The following DSP variants were observed in gnomAD, a reference collection of about 807,000 sequenced individuals.
The protein encoded by DSP is 250/210 kDa paraneoplastic pemphigus antigen.
DSP carries 114 observed loss-of-function variants against 290.6 expected under a neutral mutation model. The ratio of observed to expected loss-of-function variants is 0.39; its 90% CI spans 0.34 to 0.46. The LOEUF (loss-of-function observed/expected upper bound fraction) is 0.46, where lower values mean the gene tolerates loss of function less well. DSP is among the 20% of genes least tolerant of loss of function. DSP has a pLI of 0.99. For missense variants in DSP, 3,230 were observed against 3,495.8 expected, an observed-to-expected ratio of 0.92 and a Z score of 1.92; for synonymous variants, 1,311 against 1,316.4, an observed-to-expected ratio of 1.00 and a Z score of 0.09.
Position 7,542,068 on chromosome 6 carries a change from G to A in DSP, c.153G>A (p.Gln51=), listed in dbSNP as rs1450725914. 6 of 1,565,020 alleles carry A rather than the reference G, an allele frequency of 3.8e-6. No homozygotes were observed. The highest frequency in any genetic ancestry group is 5.2e-6 in the Non-Finnish European group (6 of 1,155,142). ...CTCGGCGCGGCGTGATCACCGACCAGAACTCGGACGGCTACTGGTGGGTAC... is the reference window on the plus strand; with the variant it reads ...CTCGGCGCGGCGTGATCACCGACCAAAACTCGGACGGCTACTGGTGGGTAC... The part of the protein sequence containing the change: ...YYSRRGVITD[Q]NSDGYCQTGT... Residue 51 remains glutamine, a synonymous_variant, in exon 1 of 24, where the codon CAG becomes CAA. Transcript: ENST00000379802.
At position 7,585,566 on chromosome 6, in the gene DSP, C is replaced by A. The variant is rs1759634208; in HGVS notation, c.8304C>A (p.Ser2768Arg). The change falls in exon 24 of 24, where the codon AGC becomes AGA. Residue 2768 changes from serine (S) to arginine (R), a missense_variant. Coordinates refer to ENST00000379802, the MANE Select transcript of DSP (RefSeq NM_004415.4). The stretch of plus-strand genomic sequence containing the variant: ...CCGCACAGAGGCTGCAAGACACCAG[C>A]AGCTATGCCAAAATCCTGACCTGCC... The part of the protein sequence containing the change: ...GRAAQRLQDT[S>R]SYAKILTCPK... 2 of 1,614,172 alleles carry A rather than the reference C, an allele frequency of 1.2e-6. No homozygotes were observed. The highest frequency in any genetic ancestry group is 2.2e-5 in the East Asian group (1 of 44,878).
intron 10 of DSP, 117 bp from the exon 11 acceptor site, chr6:7,568,320 T>G (rs191988437): frequency 5.2e-6 from 6 of 1,164,518 alleles, no homozygotes; most frequent in Admixed American, 1.9e-5. Flanking sequence ...TTTTTTACAA[T>G]TGATGCAACT....
chr6:7,542,118 G>A (rs1300374737), intron 1 of DSP, 33 bp downstream of exon 1: 7 of 1,550,964 alleles, frequency 4.5e-6, no homozygotes, highest in South Asian at 2.4e-5. Flanking sequence ...CGGGCTGCGG[G>A]GCTCGCGGGA....
chr6:7,541,695 A>G lies in DSP; in HGVS notation c.-221A>G. On this transcript the variant is annotated 5_prime_UTR_variant, in exon 1 of 24. Transcript: ENST00000379802. ...TCCTCTGCGCCCTTGCCGCCCTCCGAGCCACAGCTTTCCTCCCGCTCCTGC... is the reference window on the plus strand; with the variant it reads ...TCCTCTGCGCCCTTGCCGCCCTCCGGGCCACAGCTTTCCTCCCGCTCCTGC... 2 of 580,598 alleles carry G rather than the reference A, an allele frequency of 3.4e-6. No individual in the cohort carries two copies. Among genetic ancestry groups the G allele is most frequent in the Admixed American group, 6.7e-5 (2 of 29,922 alleles). 36.0% of individuals were successfully genotyped at this position (580,598 alleles called of 1,614,324 possible). A position where few individuals can be genotyped will look rare whatever the true frequency, so the allele number is the denominator to read the frequency against.
At chr6:7,542,116 G>A (rs765810517) in intron 1 of DSP, 31 bp downstream of exon 1, 61 of 1,550,770 alleles carry the variant, frequency 3.9e-5, no homozygotes, top group Non-Finnish European at 5.1e-5. Context: ...CGCGGGCTGC[G>A]GGGCTCGCGG....
intron 1 of DSP, among the ~76,000 whole-genome samples, chr6:7,543,120 A>G (rs1259095024): frequency 6.6e-6 from 1 of 152,046 alleles, no homozygotes; most frequent in Non-Finnish European, 1.5e-5. Context: ...TGGACTCTAG[A>G]TGCCCACGTG....
rs577815705 is a variant in DSP, at chr6:7,569,665, T to A, written c.1574+325T>A. 3.6e-4 allele frequency among the ~76,000 whole-genome samples: 55 copies of A among 152,250 alleles called. No homozygotes were observed. The South Asian group carries it at 0.011, about 30-fold the overall frequency. On this transcript the variant is annotated intron_variant, in intron 12 of 23. Transcript: ENST00000379802. The stretch of plus-strand genomic sequence containing the variant: ...GCCTGACCAACATGGAGAAACTCTG[T>A]CTCTACTAAAAATATAAAATTAGCC...
rs1170895931 is a variant in DSP at position 7,541,813 on chromosome 6, G to T, written c.-103G>T. ...CGCGAGCCTTCCGCACTCCCGCCCG[G>T]TTCCCCGGCCGTCCGCCTATCCTTG... On this transcript the variant is annotated 5_prime_UTR_variant, in exon 1 of 24. Coordinates refer to ENST00000379802, the MANE Select transcript of DSP (RefSeq NM_004415.4). The T allele has an allele frequency of 7.0e-7, 1 of 1,433,960 alleles. No individual in the cohort carries two copies. Among genetic ancestry groups the T allele is most frequent in the Non-Finnish European group, 9.3e-7 (1 of 1,076,484 alleles). 88.8% of individuals were successfully genotyped at this position (1,433,960 alleles called of 1,614,324 possible). A position where few individuals can be genotyped will look rare whatever the true frequency, so the allele number is the denominator to read the frequency against.
chr6:7,565,780 A>G lies in DSP; in HGVS notation c.939+260A>G, dbSNP rs1470627091. 2.1e-6 allele frequency: 1 copy of G among 475,948 alleles called. No homozygotes were observed. Among genetic ancestry groups the G allele is most frequent in the Non-Finnish European group, 3.8e-6 (1 of 259,766 alleles). 29.5% of individuals were successfully genotyped at this position (475,948 alleles called of 1,614,324 possible). A position where few individuals can be genotyped will look rare whatever the true frequency, so the allele number is the denominator to read the frequency against. The stretch of plus-strand genomic sequence containing the variant: ...AGTGGGAACTAAATGATGAGAATAC[A>G]TGGATACATCGAGGGCAACAACACA... On this transcript the variant is annotated intron_variant, in intron 7 of 23. Coordinates refer to ENST00000379802, the MANE Select transcript of DSP (RefSeq NM_004415.4). The surrounding 1 kb of genome is among the most constrained non-coding windows in gnomAD (Gnocchi z 4.2).
intron 9 of DSP, 56 bp from the exon 10 acceptor site, chr6:7,567,724 AG>A: frequency 6.2e-7 from 1 of 1,610,918 alleles, no homozygotes; most frequent in Non-Finnish European, 8.5e-7. Context: ...CAGAACTACT[AG>A]ATGAAATTGC....
At chr6:7,566,032 C>T (rs1280830833) in intron 7 of DSP, among the ~76,000 whole-genome samples, 1 of 152,030 alleles carries the variant, frequency 6.6e-6, no homozygotes, top group Non-Finnish European at 1.5e-5. Context: ...CCCAGAAGAC[C>T]GTAGTTTGTT....
intron 2 of DSP, among the ~76,000 whole-genome samples, chr6:7,557,467 G>A (rs1263212308): frequency 1.3e-5 from 2 of 152,110 alleles, no homozygotes; most frequent in Non-Finnish European, 2.9e-5. Flanking sequence ...ATCACTTGAG[G>A]TCAGGAGTTC....
At chr6:7,561,566 G>A (rs1043721937) in intron 4 of DSP, among the ~76,000 whole-genome samples, 2 of 152,116 alleles carry the variant, frequency 1.3e-5, no homozygotes, top group Non-Finnish European at 2.9e-5. Flanking sequence ...GGTCAGATAC[G>A]ATACACCTGG....
At chr6:7,542,815 G>C (rs2113631672) in intron 1 of DSP, among the ~76,000 whole-genome samples, 1 of 152,342 alleles carries the variant, frequency 6.6e-6, no homozygotes, top group Middle Eastern at 3.4e-3. Context: ...GCGCACCTGG[G>C]GCCCTGCCTC....
intron 18 of DSP, among the ~76,000 whole-genome samples, 177 bp from the exon 19 acceptor site, chr6:7,576,117 T>C (rs1561694400): frequency 6.6e-6 from 1 of 152,232 alleles, no homozygotes; most frequent in Non-Finnish European, 1.5e-5. Context: ...ATACCTGAGT[T>C]GTTTCCAGTT....
rs948230523 is a variant in DSP, at chr6:7,580,577, G to A, written c.4387G>A (p.Val1463Ile). 2.7e-5 allele frequency: 44 copies of A among 1,614,068 alleles called. No homozygotes were observed. Among genetic ancestry groups the A allele is most frequent in the Non-Finnish European group, 3.5e-5 (41 of 1,180,014 alleles). The change falls in exon 23 of 24, where the codon GTA becomes ATA. Residue 1463 changes from valine to isoleucine, a missense_variant. By Grantham distance (29) the Val-to-Ile change is conservative. Around this residue, in one of 5 missense-constraint regions of DSP, gnomAD observed 1,714 missense variants for 1,844.5 expected, o/e 0.93. Coordinates refer to ENST00000379802, the MANE Select transcript of DSP (RefSeq NM_004415.4). This position sits in a 1 kb window ranked among gnomAD's most constrained non-coding sequence, Gnocchi z 4.2. ...CACTCAGATGCGAACAGAGGAGAGC[G>A]TAAGATATAAGCAATCTCTTGATGA... ...QVTQMRTEES[V>I]RYKQSLDDAA...
At position 7,583,351 on chromosome 6, in the gene DSP, C is replaced by T. The variant is rs867842357; in HGVS notation, c.6089C>T (p.Ser2030Phe). ...GASASPKEKY[S>F]LVEAKRKKLI... ...TCTGCTTCTCCTAAGGAAAAATACT[C>T]TTTGGTAGAGGCCAAGAGAAAGAAA... The change falls in exon 24 of 24, where the codon TCT becomes TTT. Residue 2030 changes from serine to phenylalanine, a missense_variant. Physicochemically the swap from Ser to Phe is radical, Grantham distance 155. This residue lies in a region of DSP where 1,714 missense variants were observed against 1,844.5 expected (regional missense o/e 0.93). Transcript: ENST00000379802. The surrounding 1 kb of genome is among the most constrained non-coding windows in gnomAD (Gnocchi z 4.0). The T allele has an allele frequency of 6.2e-7, 1 of 1,614,166 alleles. No individual in the cohort carries two copies. The highest frequency in any genetic ancestry group is 8.5e-7 in the Non-Finnish European group (1 of 1,180,022).
At chr6:7,581,702 C>G in intron 23 of DSP, 133 bp downstream of exon 23, 2 of 1,251,346 alleles carry the variant, frequency 1.6e-6, no homozygotes, top group Non-Finnish European at 2.2e-6. Context: ...TATTGCTCTA[C>G]TACTTCCTGT....
chr6:7,583,710 G>GC lies in DSP; in HGVS notation c.6451dup (p.Arg2151ProfsTer5), dbSNP rs1759533568. ...CTTTTTGCCAAAAGATGTCGCCTTG[G>GC]CCCGGGGGCTGATTGATAGAGATTT... On this transcript the variant is annotated frameshift_variant, in exon 24 of 24. Transcript: ENST00000379802. LOFTEE classifies it high-confidence loss of function. This position sits in a 1 kb window ranked among gnomAD's most constrained non-coding sequence, Gnocchi z 4.0. 6.2e-7 allele frequency: 1 copy of GC among 1,614,076 alleles called. No individual in the cohort carries two copies. The highest frequency in any genetic ancestry group is 8.5e-7 in the Non-Finnish European group (1 of 1,180,028).
Sources: gnomAD v4.1 joint callset for allele counts (sites outside exome capture counted in the v4.1 genomes callset) on GRCh38, gnomAD v4.1.1 for gene constraint, gnomAD v4.1.1 regional missense constraint, Gnocchi (gnomAD v3.1) non-coding constraint, MANE v1.5 for transcripts, NCBI Gene and HGNC (gene_info 2026-07-23, HGNC 2026-07-21) for gene names.